The following ST6GALNAC3 variants were observed in gnomAD, a reference collection of about 807,000 sequenced individuals.
ST6GALNAC3 encodes ST6 N-acetylgalactosaminide alpha-2,6-sialyltransferase 3.
ST6GALNAC3 carries 25 observed loss-of-function variants against 32.7 expected under a neutral mutation model. The ratio of observed to expected loss-of-function variants is 0.76; its 90% CI spans 0.56 to 1.07. The LOEUF (loss-of-function observed/expected upper bound fraction) is 1.07. ST6GALNAC3 is among the 50% of genes least tolerant of loss of function. The pLI, the probability that ST6GALNAC3 is intolerant of heterozygous loss-of-function variation, is 0.00. For missense variants in ST6GALNAC3, 355 were observed against 382.4 expected (o/e 0.93, Z 0.60); for synonymous variants, 129 against 133.1 (o/e 0.97, Z 0.21).
intron 3 of ST6GALNAC3, among the ~76,000 whole-genome samples, chr1:76,469,553 G>A (rs887384645): frequency 6.6e-5 from 10 of 152,186 alleles, no homozygotes; most frequent in African/African-American, 2.4e-4. Flanking sequence ...TTTGTTACTG[G>A]CTGGAACAGT....
chr1:76,445,197 C>T (rs561784142), intron 3 of ST6GALNAC3, among the ~76,000 whole-genome samples: 5 of 152,148 alleles, frequency 3.3e-5, no homozygotes, highest in Non-Finnish European at 4.4e-5. Context: ...CCCTGATTCC[C>T]ATGCTGGGCC....
intron 2 of ST6GALNAC3, among the ~76,000 whole-genome samples, chr1:76,389,395 TC>T (rs1334069167): frequency 3.9e-5 from 6 of 152,188 alleles, no homozygotes; most frequent in African/African-American, 1.4e-4. Context: ...TGAAGTTTAT[TC>T]AACATGGAAC....
chr1:76,301,174 G>C (rs1660706856), intron 1 of ST6GALNAC3, among the ~76,000 whole-genome samples: 1 of 152,074 alleles, frequency 6.6e-6, no homozygotes, highest in Non-Finnish European at 1.5e-5. Context: ...GTAGAGCTAA[G>C]ATTTTAATTC....
chr1:76,499,737 G>T (rs1020870542), intron 3 of ST6GALNAC3, among the ~76,000 whole-genome samples: 2 of 152,070 alleles, frequency 1.3e-5, no homozygotes, highest in African/African-American at 4.8e-5. Flanking sequence ...AATGAAGGAG[G>T]AATGAAAAAT....
Position 76,630,223 on chromosome 1 carries a change from C to T in ST6GALNAC3, c.*1417C>T, listed in dbSNP as rs1570492515. On this transcript the variant is annotated 3_prime_UTR_variant, in exon 5 of 5. Coordinates refer to ENST00000328299, the MANE Select transcript of ST6GALNAC3 (RefSeq NM_152996.4). ...AACCAGTTGATCTCTGTGCCAAATA[C>T]ATTATATCAGGATTACACAAAAAGT... 1.0e-6 allele frequency: 1 copy of T among 985,146 alleles called. No homozygotes were observed. The highest frequency in any genetic ancestry group is 1.2e-6 in the Non-Finnish European group (1 of 829,800). The allele number at this position is 985,146 out of a possible 1,614,324, so 61.0% of individuals were successfully genotyped here.
intron 2 of ST6GALNAC3, among the ~76,000 whole-genome samples, chr1:76,341,920 T>C (rs910619984): frequency 2.4e-4 from 36 of 152,142 alleles, no homozygotes; most frequent in Non-Finnish European, 4.6e-4. Flanking sequence ...CCATGTGTTC[T>C]CATTGTTCAA....
intron 1 of ST6GALNAC3, among the ~76,000 whole-genome samples, chr1:76,293,378 A>G (rs1480507197): frequency 6.6e-6 from 1 of 152,160 alleles, no homozygotes; most frequent in African/African-American, 2.4e-5. Flanking sequence ...GCTGGCATTG[A>G]TCTATCACCT....
chr1:76,087,500 T>C (rs1646980405), intron 1 of ST6GALNAC3, among the ~76,000 whole-genome samples: 2 of 152,200 alleles, frequency 1.3e-5, no homozygotes, highest in South Asian at 4.1e-4. Flanking sequence ...TAATTTTTTT[T>C]CTAGGGGAAT....
Position 76,630,386 on chromosome 1 carries a change from G to A in ST6GALNAC3, c.*1580G>A, listed in dbSNP as rs975776185. ...AAATGAAAAAGCAGGGACAACAGGA[G>A]GAAATGAAGGCAGAGAAATATAGTT... On this transcript the variant is annotated 3_prime_UTR_variant, in exon 5 of 5. Coordinates refer to ENST00000328299, the MANE Select transcript of ST6GALNAC3 (RefSeq NM_152996.4). The A allele has an allele frequency of 1.0e-6, 1 of 985,064 alleles. No individual in the cohort carries two copies. Among genetic ancestry groups the A allele is most frequent in the African/African-American group, 1.7e-5 (1 of 57,174 alleles). 61.0% of individuals were successfully genotyped at this position (985,064 alleles called of 1,614,324 possible).
intron 1 of ST6GALNAC3, among the ~76,000 whole-genome samples, chr1:76,292,930 A>G (rs1660181576): frequency 1.3e-5 from 2 of 152,166 alleles, no homozygotes; most frequent in African/African-American, 2.4e-5. Flanking sequence ...CTTCTGCACA[A>G]AAATAAACAT....
At chr1:76,392,762 A>G (rs1440645433) in intron 2 of ST6GALNAC3, among the ~76,000 whole-genome samples, 1 of 152,222 alleles carries the variant, frequency 6.6e-6, no homozygotes, top group Non-Finnish European at 1.5e-5. Flanking sequence ...GTAAAAAACC[A>G]GAGCAAGGGT....
intron 1 of ST6GALNAC3, among the ~76,000 whole-genome samples, chr1:76,206,993 A>G (rs558714713): frequency 6.6e-6 from 1 of 152,210 alleles, no homozygotes; most frequent in African/African-American, 2.4e-5. Flanking sequence ...TTCCATTGAC[A>G]TTTCTTAAGA....
At chr1:76,577,493 T>C (rs1342729918) in intron 3 of ST6GALNAC3, among the ~76,000 whole-genome samples, 1 of 151,998 alleles carries the variant, frequency 6.6e-6, no homozygotes, top group Non-Finnish European at 1.5e-5. Flanking sequence ...CATTTATAAA[T>C]CATGTCATAA....
intron 3 of ST6GALNAC3, among the ~76,000 whole-genome samples, chr1:76,587,719 G>T (rs534597975): frequency 6.6e-6 from 1 of 152,170 alleles, no homozygotes; most frequent in Non-Finnish European, 1.5e-5. Context: ...TTGATAAATG[G>T]AATTTAAAAG....
intron 2 of ST6GALNAC3, among the ~76,000 whole-genome samples, chr1:76,391,123 G>C (rs1169088560): frequency 6.6e-6 from 1 of 151,722 alleles, no homozygotes. Flanking sequence ...TGTATTTTTA[G>C]TAGAGATGGA....
chr1:76,137,169 A>C (rs910814170), intron 1 of ST6GALNAC3, among the ~76,000 whole-genome samples: 25 of 152,170 alleles, frequency 1.6e-4, no homozygotes, highest in Admixed American at 7.2e-4. Flanking sequence ...TTCAGAGAGG[A>C]GGCAACCACT....
chr1:76,210,139 G>A (rs1269136288), intron 1 of ST6GALNAC3, among the ~76,000 whole-genome samples: 1 of 151,480 alleles, frequency 6.6e-6, no homozygotes, highest in Non-Finnish European at 1.5e-5. Context: ...AGGTATATGT[G>A]TGCCATTATG....
At chr1:76,526,854 T>C (rs1473744801) in intron 3 of ST6GALNAC3, among the ~76,000 whole-genome samples, 1 of 152,130 alleles carries the variant, frequency 6.6e-6, no homozygotes, top group Non-Finnish European at 1.5e-5. Context: ...TTGTTTATGA[T>C]GTTCGGTCTT....
chr1:76,498,640 G>A (rs1379265513), intron 3 of ST6GALNAC3, among the ~76,000 whole-genome samples: 3 of 151,542 alleles, frequency 2.0e-5, no homozygotes, highest in Non-Finnish European at 1.5e-5. Flanking sequence ...CACCATTTTC[G>A]GACATAAACT....
Sources: gnomAD v4.1 joint callset for allele counts (sites outside exome capture counted in the v4.1 genomes callset) on GRCh38, gnomAD v4.1.1 for gene constraint, MANE v1.5 for transcripts, NCBI Gene and HGNC (gene_info 2026-07-23, HGNC 2026-07-21) for gene names.